FRY: variants seen among roughly 807,000 people sequenced by gnomAD.
FRY encodes the protein FRY microtubule binding protein.
FRY carries 128 observed loss-of-function variants against 348.4 expected under a neutral mutation model. That is an observed-to-expected ratio of 0.37 (90% CI 0.32 to 0.43). The LOEUF is 0.43. FRY is among the 20% of genes least tolerant of loss of function. FRY has a pLI of 1.00. For synonymous variants in FRY, 1,370 were observed against 1,374.7 expected (o/e 1.00, Z 0.08); for missense variants, 2,736 against 3,695.2 (o/e 0.74, Z 6.73).
intron 41 of FRY, among the ~76,000 whole-genome samples, chr13:32,231,970 A>G (rs1189724181): frequency 1.3e-5 from 2 of 152,250 alleles, no homozygotes; most frequent in Non-Finnish European, 2.9e-5. Context: ...TCTGGTAATT[A>G]GCACATTTCC....
Position 32,102,528 on chromosome 13 carries a change from C to T in FRY, c.324+512C>T, listed in dbSNP as rs1177738087. 2.6e-5 allele frequency among the ~76,000 whole-genome samples: 4 copies of T among 152,136 alleles called. No homozygotes were observed. The South Asian group carries it at 6.2e-4, about 24-fold the overall frequency. On this transcript the variant is annotated intron_variant, in intron 3 of 60. Coordinates refer to ENST00000542859, the MANE Select transcript of FRY (RefSeq NM_023037.3). ...CAGAGTCTTGTGAGAAAGATACTACCTCAAAATAAGTATAAAACAGTATAG... is the reference window on the plus strand; with the variant it reads ...CAGAGTCTTGTGAGAAAGATACTACTTCAAAATAAGTATAAAACAGTATAG...
rs575491413 is a variant in FRY at position 32,173,435 on chromosome 13, T to A, written c.2220T>A (p.Ala740=). The A allele has an allele frequency of 1.4e-5, 22 of 1,612,850 alleles. 1 individual carries two copies. The South Asian group carries it at 2.2e-4, about 16-fold the overall frequency. The part of the protein sequence containing the change: ...ERGPHCSVLH[A]VEGFALVLLC... The stretch of plus-strand genomic sequence containing the variant: ...GTCCCCACTGCAGTGTACTCCACGC[T>A]GTAGAAGGTTTTGCTCTGGTTTTAC... Residue 740 remains alanine, a synonymous_variant, in exon 19 of 61, where the codon GCT becomes GCA. Transcript: ENST00000542859.
intron 8 of FRY, 147 bp from the exon 9 acceptor site, chr13:32,134,757 T>A: frequency 1.4e-6 from 1 of 717,936 alleles, no homozygotes; most frequent in Non-Finnish European, 2.5e-6. Context: ...TACAAATGTT[T>A]GAATCCAGTG....
intron 11 of FRY, among the ~76,000 whole-genome samples, chr13:32,144,142 T>C (rs1880254517): frequency 6.6e-6 from 1 of 151,596 alleles, no homozygotes; most frequent in African/African-American, 2.4e-5. Flanking sequence ...TTTACTAGTT[T>C]CAAGTCCCCT....
intron 2 of FRY, among the ~76,000 whole-genome samples, chr13:32,082,752 C>G (rs946876053): frequency 3.3e-5 from 5 of 152,206 alleles, no homozygotes; most frequent in African/African-American, 1.2e-4. Context: ...CATTCTCCCT[C>G]TGACATTTGA....
chr13:32,080,246 C>T (rs1040018456), intron 2 of FRY, among the ~76,000 whole-genome samples: 1 of 152,128 alleles, frequency 6.6e-6, no homozygotes, highest in Non-Finnish European at 1.5e-5. Flanking sequence ...ACTACAGGAC[C>T]TTTATTTCCA....
In FRY at chr13:32,247,341, G is replaced by C; in HGVS notation, c.6847G>C (p.Ala2283Pro). 1 of 1,613,336 alleles carries C rather than the reference G, an allele frequency of 6.2e-7. No homozygotes were observed. The highest frequency in any genetic ancestry group is 8.5e-7 in the Non-Finnish European group (1 of 1,179,332). Residue 2283 changes from alanine to proline, a missense_variant, in exon 48 of 61, where the codon GCT becomes CCT. Ala to Pro is a conservative substitution (Grantham distance 27). Coordinates refer to ENST00000542859, the MANE Select transcript of FRY (RefSeq NM_023037.3). ...KYVQSVHWREALNILKLVVSR... is the reference protein window; with the variant it reads ...KYVQSVHWREPLNILKLVVSR... ...CCTGCAGAGTGTTCACTGGAGAGAA[G>C]CTCTGAATATCTTGAAGCTGGTAGT...
At chr13:32,134,852 T>C in intron 8 of FRY, 52 bp from the exon 9 acceptor site, 1 of 1,042,962 alleles carries the variant, frequency 9.6e-7, no homozygotes, top group South Asian at 1.3e-5. Context: ...ATACATTCTA[T>C]GTGTACATTT....
At chr13:32,050,291 A>G (rs1050149527) in intron 1 of FRY, among the ~76,000 whole-genome samples, 6 of 152,210 alleles carry the variant, frequency 3.9e-5, no homozygotes, top group Admixed American at 3.3e-4. Context: ...CACTTTTTAC[A>G]TATGACAATC....
intron 11 of FRY, among the ~76,000 whole-genome samples, chr13:32,145,526 G>GT (rs59585678): frequency 0.012 from 1,059 of 91,472 alleles, 107 homozygotes; most frequent in East Asian, 0.03. Context: ...TGACTGATTT[G>GT]TTTTTTTTTT....
intron 27 of FRY, 107 bp from the exon 28 acceptor site, chr13:32,187,439 G>T: frequency 4.1e-6 from 3 of 730,290 alleles, no homozygotes; most frequent in South Asian, 1.5e-5. Context: ...GTCTTTAGAG[G>T]GCCCTTATCA....
chr13:32,197,274 C>A (rs1405556211), intron 29 of FRY, among the ~76,000 whole-genome samples: 1 of 152,044 alleles, frequency 6.6e-6, no homozygotes, highest in Admixed American at 6.6e-5. Flanking sequence ...GTAAATCTTC[C>A]TAATTTAAGT....
intron 2 of FRY, among the ~76,000 whole-genome samples, chr13:32,080,242 G>T (rs17691046): frequency 0.065 from 9,838 of 152,148 alleles, 700 homozygotes; most frequent in East Asian, 0.4. Flanking sequence ...CCTTACTACA[G>T]GACCTTTATT....
At position 32,087,866 on chromosome 13, in the gene FRY, A is replaced by G. The variant is rs371543539; in HGVS notation, c.270+8833A>G. ...AAGGACAGAATGACTACCTCTAATT[A>G]AGTTTGGATCTTTATATGGCAGATC... On this transcript the variant is annotated intron_variant, in intron 2 of 60. Transcript: ENST00000542859. Among the ~76,000 whole-genome samples, 26 of 152,306 alleles carry G rather than the reference A, an allele frequency of 1.7e-4. 1 individual carries two copies. The highest frequency in any genetic ancestry group is 6.0e-4 in the African/African-American group (25 of 41,562).
rs765132359 is a variant in FRY, at chr13:32,178,832, C to G, written c.2682-12C>G. ...CTTAGTTTCACTCTTGTTTTCGACT[C>G]CATATTTCTAGTAGCCCAATTAATG... On this transcript the variant is annotated splice_polypyrimidine_tract_variant and intron_variant, in intron 21 of 60. Coordinates refer to ENST00000542859, the MANE Select transcript of FRY (RefSeq NM_023037.3). 1 of 1,590,424 alleles carries G rather than the reference C, an allele frequency of 6.3e-7. No individual in the cohort carries two copies. Among genetic ancestry groups the G allele is most frequent in the South Asian group, 1.1e-5 (1 of 90,528 alleles).
chr13:32,294,681 CT>C, intron 60 of FRY, 111 bp downstream of exon 60: 1 of 801,426 alleles, frequency 1.2e-6, no homozygotes, highest in Admixed American at 2.0e-5. Context: ...TTACAGATCT[CT>C]TCTCAGATCT....
rs553665619 is a variant in FRY, at chr13:32,110,914, T to A, written c.325-6420T>A. 2.8e-4 allele frequency among the ~76,000 whole-genome samples: 42 copies of A among 152,340 alleles called. 1 individual carries two copies. Among genetic ancestry groups the A allele is most frequent in the Non-Finnish European group, 4.9e-4 (33 of 68,028 alleles). On this transcript the variant is annotated intron_variant, in intron 3 of 60. Coordinates refer to ENST00000542859, the MANE Select transcript of FRY (RefSeq NM_023037.3). The stretch of plus-strand genomic sequence containing the variant: ...GCAATCAGAATTCAGATCCTTATTG[T>A]CACAGATGAATTGTCCTACTATGCT...
At chr13:32,172,780 T>C (rs1882166266) in intron 18 of FRY, among the ~76,000 whole-genome samples, 1 of 152,016 alleles carries the variant, frequency 6.6e-6, no homozygotes, top group Non-Finnish European at 1.5e-5. Context: ...ACACGATAGG[T>C]AGAAAAGCAA....
chr13:32,103,856 A>T (rs1275290622), intron 3 of FRY, among the ~76,000 whole-genome samples: 1 of 152,222 alleles, frequency 6.6e-6, no homozygotes, highest in South Asian at 2.1e-4. Context: ...GGTCCCAGCT[A>T]TTCAGGATGC....
Sources: allele counts gnomAD v4.1 joint callset (sites outside exome capture counted in the v4.1 genomes callset), GRCh38; gene constraint gnomAD v4.1.1; transcripts MANE v1.5; gene names NCBI Gene and HGNC (gene_info 2026-07-23, HGNC 2026-07-21).